The following GRIN2A variants were observed in gnomAD, a reference collection of about 807,000 sequenced individuals.
GRIN2A encodes glutamate ionotropic receptor NMDA type subunit 2A, also known as glutamate receptor ionotropic, NMDA 2A.
Under a neutral mutation model 113.4 loss-of-function variants are expected in GRIN2A, and 22 were observed. The observed-to-expected ratio is 0.19, with a 90% CI of 0.14 to 0.28. The LOEUF (loss-of-function observed/expected upper bound fraction) is 0.28. Ranked by LOEUF, GRIN2A falls within the 10% of genes least tolerant of loss-of-function variation. The pLI is 1.00. For missense variants in GRIN2A, 1,502 were observed against 1,887.0 expected, an observed-to-expected ratio of 0.80 and a Z score of 3.78; for synonymous variants, 827 against 738.4, an observed-to-expected ratio of 1.12 and a Z score of -1.94.
At chr16:9,854,918 G>A (rs2042942417) in intron 4 of GRIN2A, among the ~76,000 whole-genome samples, 1 of 152,152 alleles carries the variant, frequency 6.6e-6, no homozygotes, top group Non-Finnish European at 1.5e-5. Context: ...GGAGCTTGGA[G>A]GGAAAATGAA....
intron 2 of GRIN2A, among the ~76,000 whole-genome samples, chr16:10,018,628 C>G (rs1018962551): frequency 6.6e-6 from 1 of 152,108 alleles, no homozygotes; most frequent in East Asian, 1.9e-4. Context: ...TGATGCTGCA[C>G]GAGGGAAACT....
chr16:9,820,522 C>G (rs2042262578), intron 10 of GRIN2A, among the ~76,000 whole-genome samples: 1 of 152,298 alleles, frequency 6.6e-6, no homozygotes, highest in East Asian at 1.9e-4. Context: ...GGACATTACC[C>G]AAATGTCCAT....
chr16:9,851,996 A>C (rs2042891220), intron 4 of GRIN2A, among the ~76,000 whole-genome samples: 1 of 152,116 alleles, frequency 6.6e-6, no homozygotes. Flanking sequence ...GTAATATAGA[A>C]CTTTGCGCAT....
chr16:9,858,585 G>C (rs577633103), intron 4 of GRIN2A, among the ~76,000 whole-genome samples: 8 of 152,224 alleles, frequency 5.3e-5, no homozygotes, highest in Non-Finnish European at 5.9e-5. Context: ...AAGTGATTTT[G>C]CTAAAAGAAA....
chr16:10,025,513 G>A (rs1308863871), intron 2 of GRIN2A, among the ~76,000 whole-genome samples: 1 of 151,856 alleles, frequency 6.6e-6, no homozygotes, highest in African/African-American at 2.4e-5. Context: ...TGTTCCCCAG[G>A]CTGGTCTTGA....
At chr16:9,869,184 C>A (rs1005580458) in intron 4 of GRIN2A, among the ~76,000 whole-genome samples, 1 of 152,180 alleles carries the variant, frequency 6.6e-6, no homozygotes, top group Non-Finnish European at 1.5e-5. Context: ...TCTGCAATCT[C>A]AGCACTTTGA....
At chr16:9,774,565 C>T (rs1901483684) in intron 11 of GRIN2A, among the ~76,000 whole-genome samples, 1 of 152,128 alleles carries the variant, frequency 6.6e-6, no homozygotes, top group Non-Finnish European at 1.5e-5. Context: ...ATAGACTGTC[C>T]TTCAGGTACT....
chr16:10,019,241 T>C (rs2046670633), intron 2 of GRIN2A, among the ~76,000 whole-genome samples: 1 of 152,196 alleles, frequency 6.6e-6, no homozygotes, highest in Admixed American at 6.5e-5. Context: ...AAATAAGATA[T>C]AAACATTTGA....
chr16:10,020,292 C>T (rs2046695087), intron 2 of GRIN2A, among the ~76,000 whole-genome samples: 1 of 152,150 alleles, frequency 6.6e-6, no homozygotes, highest in African/African-American at 2.4e-5. Flanking sequence ...GGGCAGGTGC[C>T]TGTAGTCCCA....
intron 3 of GRIN2A, among the ~76,000 whole-genome samples, chr16:9,911,703 C>T (rs1034418839): frequency 2.6e-5 from 4 of 152,104 alleles, no homozygotes; most frequent in Non-Finnish European, 5.9e-5. Context: ...TGTCTCCTAA[C>T]CTGTGATGGC....
chr16:9,756,548 C>G lies in GRIN2A; in HGVS notation c.*6601G>C, dbSNP rs565650930. On this transcript the variant is annotated 3_prime_UTR_variant, in exon 13 of 13. Coordinates refer to ENST00000330684, the MANE Select transcript of GRIN2A (RefSeq NM_001134407.3). ...GAGACCAGGCACTTTGAAAATATGT[C>G]TAACGTTAGGGATTTACTAGCTAAT... The G allele has an allele frequency of 8.4e-4, 176 of 209,836 alleles. 2 individuals are homozygous for G. In the South Asian group the frequency reaches 0.014, roughly 17 times the overall value. The allele number at this position is 209,836 out of a possible 1,614,324, so 13.0% of individuals were successfully genotyped here. A position where few individuals can be genotyped will look rare whatever the true frequency, so the allele number is the denominator to read the frequency against.
chr16:9,822,777 T>C (rs942124011), intron 9 of GRIN2A, among the ~76,000 whole-genome samples: 1 of 152,194 alleles, frequency 6.6e-6, no homozygotes, highest in African/African-American at 2.4e-5. Context: ...AGTCAGTACT[T>C]AGAAATGCTG....
At chr16:10,172,811 A>C (rs1370233369) in intron 2 of GRIN2A, among the ~76,000 whole-genome samples, 1 of 152,240 alleles carries the variant, frequency 6.6e-6, no homozygotes, top group East Asian at 1.9e-4. Flanking sequence ...GATGCAGGAC[A>C]AACAAAAGAC....
At chr16:10,048,090 A>G (rs145618427) in intron 2 of GRIN2A, among the ~76,000 whole-genome samples, 4 of 152,362 alleles carry the variant, frequency 2.6e-5, no homozygotes, top group Admixed American at 2.0e-4. Context: ...TTCAGACTCA[A>G]TAGTTATATT....
At chr16:10,162,184 G>A (rs28402302) in intron 2 of GRIN2A, among the ~76,000 whole-genome samples, 1 of 152,162 alleles carries the variant, frequency 6.6e-6, no homozygotes. Context: ...AGGATTCTAA[G>A]ACAGGGACTC....
intron 3 of GRIN2A, among the ~76,000 whole-genome samples, chr16:9,895,241 GAAACAAAGTT>G (rs2043781111): frequency 6.6e-6 from 1 of 152,186 alleles, no homozygotes; most frequent in African/African-American, 2.4e-5. Flanking sequence ...CTGGAAAAAG[GAAACAAAGTT>G]AAAGGGATTT....
At chr16:9,953,894 A>C (rs1410739957) in intron 2 of GRIN2A, among the ~76,000 whole-genome samples, 1 of 152,182 alleles carries the variant, frequency 6.6e-6, no homozygotes, top group Admixed American at 6.5e-5. Flanking sequence ...TGAAGGAGGC[A>C]GAAGTAGTAA....
At chr16:10,103,425 G>C (rs1430445103) in intron 2 of GRIN2A, among the ~76,000 whole-genome samples, 1 of 152,196 alleles carries the variant, frequency 6.6e-6, no homozygotes, top group Non-Finnish European at 1.5e-5. Flanking sequence ...CATCTTAAAT[G>C]AGACCAGAAT....
intron 2 of GRIN2A, among the ~76,000 whole-genome samples, chr16:10,121,937 G>A (rs2048843823): frequency 6.6e-6 from 1 of 152,180 alleles, no homozygotes; most frequent in Non-Finnish European, 1.5e-5. Flanking sequence ...AAAAAACCCT[G>A]CAAACAAGAG....
Sources: gnomAD v4.1 joint callset for allele counts (sites outside exome capture counted in the v4.1 genomes callset) on GRCh38, gnomAD v4.1.1 for gene constraint, MANE v1.5 for transcripts, NCBI Gene and HGNC (gene_info 2026-07-23, HGNC 2026-07-21) for gene names.